RASGRP3: variants seen among roughly 807,000 people sequenced by gnomAD.
The protein encoded by RASGRP3 is ras guanyl-releasing protein 3.
A neutral mutation model predicts 82.7 loss-of-function variants in RASGRP3; 54 were observed. That is an observed-to-expected ratio of 0.65 (90% CI 0.52 to 0.82). The LOEUF (loss-of-function observed/expected upper bound fraction) is 0.82, where lower values mean the gene tolerates loss of function less well. Among genes scored for constraint, RASGRP3 ranks in the 40% least tolerant of loss-of-function variants. The probability of loss-of-function intolerance (pLI) is 0.00; values close to 1 mark genes in which losing one functional copy is unlikely to be tolerated. For missense variants in RASGRP3, 861 were observed against 828.9 expected (o/e 1.04, Z -0.48); for synonymous variants, 309 against 300.5 (o/e 1.03, Z -0.29).
intron 12 of RASGRP3, among the ~76,000 whole-genome samples, chr2:33,541,154 G>A (rs1248947836): frequency 6.8e-6 from 1 of 146,766 alleles, no homozygotes; most frequent in Non-Finnish European, 1.5e-5. Flanking sequence ...TTTTGCAGAG[G>A]GCAATGGGAA....
At chr2:33,499,773 A>AAGAG (rs56865160) in intron 1 of RASGRP3, among the ~76,000 whole-genome samples, 6,476 of 135,694 alleles carry the variant, frequency 0.048, 412 homozygotes, top group African/African-American at 0.15. Context: ...CAAAAAAAAA[A>AAGAG]AGAGAGGATA....
intron 12 of RASGRP3, among the ~76,000 whole-genome samples, chr2:33,540,563 TGTGTGTGTGTG>T (rs1558506493): frequency 0.02 from 560 of 27,386 alleles, 27 homozygotes; most frequent in African/African-American, 0.11. Flanking sequence ...GTTTTGTGTG[TGTGTGTGTGTG>T]TGTGTGTGTG....
rs1201113884 is a variant in RASGRP3 at position 33,557,986 on chromosome 2, C to A, written c.1580-225C>A. 2.6e-5 allele frequency among the ~76,000 whole-genome samples: 4 copies of A among 152,084 alleles called. No individual in the cohort carries two copies. In the East Asian group the frequency reaches 5.8e-4, roughly 22 times the overall value. Reference sequence around the variant, plus strand: ...TTAGGTCCTCAATTGCATACAGAACCAAGCTGAGCAAATCTAAGAGAATTT... The same window carrying A: ...TTAGGTCCTCAATTGCATACAGAACAAAGCTGAGCAAATCTAAGAGAATTT... On this transcript the variant is annotated intron_variant, in intron 15 of 17. Transcript: ENST00000403687.
chr2:33,557,348 T>G (rs1676099234), intron 15 of RASGRP3, among the ~76,000 whole-genome samples: 1 of 152,204 alleles, frequency 6.6e-6, no homozygotes, highest in Non-Finnish European at 1.5e-5. Context: ...GCCCATCTTG[T>G]GTTCTGTTGG....
chr2:33,514,950 T>C (rs1671304885), intron 2 of RASGRP3, 60 bp from the exon 3 acceptor site: 3 of 587,460 alleles, frequency 5.1e-6, no homozygotes, highest in Non-Finnish European at 9.1e-6. Context: ...AGGAAAGTGA[T>C]GCTCTAGTGG....
intron 2 of RASGRP3, among the ~76,000 whole-genome samples, chr2:33,513,327 A>C (rs1002856277): frequency 6.6e-6 from 1 of 152,212 alleles, no homozygotes; most frequent in Non-Finnish European, 1.5e-5. Context: ...CAGTGGTCTC[A>C]CTGAACTAAT....
intron 1 of RASGRP3, among the ~76,000 whole-genome samples, chr2:33,441,811 C>A (rs1665239614): frequency 6.6e-6 from 1 of 152,160 alleles, no homozygotes; most frequent in Non-Finnish European, 1.5e-5. Flanking sequence ...AAAAGTCTAT[C>A]TTTTAGGGAT....
chr2:33,506,642 A>C (rs896403144), intron 1 of RASGRP3, among the ~76,000 whole-genome samples: 2 of 152,228 alleles, frequency 1.3e-5, no homozygotes, highest in African/African-American at 2.4e-5. Flanking sequence ...AGACAACAAA[A>C]ATTTTTAAAT....
Position 33,523,912 on chromosome 2 carries a change from T to A in RASGRP3, c.550T>A (p.Cys184Ser). 1 of 1,613,680 alleles carries A rather than the reference T, an allele frequency of 6.2e-7. No homozygotes were observed. The highest frequency in any genetic ancestry group is 8.5e-7 in the Non-Finnish European group (1 of 1,179,650). ...TTACCAAAGCTATGTCATCCATGGC[T>A]GCCTGGAGAATAATCCAACCTTGGA... The part of the protein sequence containing the change: ...TDYQSYVIHG[C>S]LENNPTLERS... Residue 184 changes from cysteine to serine, a missense_variant, in exon 8 of 18, where the codon TGC becomes AGC. By Grantham distance (112) the Cys-to-Ser change is moderately radical. Transcript: ENST00000403687.
chr2:33,468,062 T>G (rs1405899836), intron 2 of RASGRP3, among the ~76,000 whole-genome samples: 1 of 150,928 alleles, frequency 6.6e-6, no homozygotes, highest in East Asian at 2.0e-4. Flanking sequence ...GTGTACATGA[T>G]TTGTTTTTTT....
rs74978733 is a variant in RASGRP3, at chr2:33,523,461, T to TA, written c.517-402dup. ...GCCTGGCAATAGAGCGACAGTCGGT[T>TA]AAAAAAAAAAAAAAAAGGAGATTCT... is the stretch of plus-strand genomic sequence containing the variant. On this transcript the variant is annotated intron_variant, in intron 7 of 17. Coordinates refer to ENST00000403687, the MANE Select transcript of RASGRP3 (RefSeq NM_001139488.2). Among the ~76,000 whole-genome samples, 433 of 144,784 alleles carry TA rather than the reference T, an allele frequency of 3.0e-3. 1 individual carries two copies. The highest frequency in any genetic ancestry group is 9.8e-3 in the South Asian group (44 of 4,504). The allele number at this position is 144,784 out of a possible 152,430, so 95.0% of individuals were successfully genotyped here. A position where few individuals can be genotyped will look rare whatever the true frequency, so the allele number is the denominator to read the frequency against.
intron 15 of RASGRP3, among the ~76,000 whole-genome samples, 199 bp downstream of exon 15, chr2:33,555,766 AC>A (rs144146259): frequency 0.018 from 2,815 of 152,330 alleles, 98 homozygotes; most frequent in African/African-American, 0.065. Flanking sequence ...ATAGCTTGTT[AC>A]AAACCACTCT....
intron 1 of RASGRP3, among the ~76,000 whole-genome samples, chr2:33,499,862 G>T (rs12468338): frequency 6.6e-6 from 1 of 152,010 alleles, no homozygotes; most frequent in Admixed American, 6.6e-5. Flanking sequence ...GCAGAGAAAA[G>T]TAGTCATATA....
At chr2:33,510,822 G>A (rs941144096) in intron 1 of RASGRP3, among the ~76,000 whole-genome samples, 5 of 152,080 alleles carry the variant, frequency 3.3e-5, no homozygotes, top group African/African-American at 1.2e-4. Flanking sequence ...GTTGAAACCC[G>A]ATTTTTTTTA....
chr2:33,543,666 T>G (rs1468484007), intron 13 of RASGRP3, 39 bp downstream of exon 13: 1 of 1,359,556 alleles, frequency 7.4e-7, no homozygotes, highest in Non-Finnish European at 1.0e-6. Flanking sequence ...GCAACTATCC[T>G]AAAGCAGAAA....
At chr2:33,532,863 C>A (rs182685360) in intron 10 of RASGRP3, 1 of 152,274 alleles carries the variant, frequency 6.6e-6, no homozygotes, top group Admixed American at 6.5e-5. Flanking sequence ...TAGTAGATTA[C>A]TGATAAATAT....
chr2:33,556,613 A>C (rs1446303887), intron 15 of RASGRP3, among the ~76,000 whole-genome samples: 4 of 152,152 alleles, frequency 2.6e-5, no homozygotes, highest in African/African-American at 4.8e-5. Context: ...CATCTTAATC[A>C]CAGAATACCT....
chr2:33,437,269 G>A (rs932213213), intron 1 of RASGRP3, among the ~76,000 whole-genome samples: 3 of 152,170 alleles, frequency 2.0e-5, no homozygotes, highest in African/African-American at 7.2e-5. Flanking sequence ...ACTGGGTTTG[G>A]AAATGGTAAG....
At chr2:33,542,785 G>A (rs1674391529) in intron 12 of RASGRP3, among the ~76,000 whole-genome samples, 1 of 119,342 alleles carries the variant, frequency 8.4e-6, no homozygotes, top group Non-Finnish European at 2.1e-5. Flanking sequence ...CCAGGTTCAA[G>A]CGATTCTCGT....
Sources: allele counts gnomAD v4.1 joint callset (sites outside exome capture counted in the v4.1 genomes callset), GRCh38; gene constraint gnomAD v4.1.1; transcripts MANE v1.5; gene names NCBI Gene and HGNC (gene_info 2026-07-23, HGNC 2026-07-21).